The following RBM47 variants were observed in gnomAD, a reference collection of about 807,000 sequenced individuals.
The protein encoded by RBM47 is RNA binding motif protein 47, also known as RNA-binding protein 47.
RBM47 carries 21 observed loss-of-function variants against 47.1 expected under a neutral mutation model. The observed-to-expected ratio is 0.45, with a 90% CI of 0.32 to 0.64. The LOEUF (loss-of-function observed/expected upper bound fraction) is 0.64, where lower values mean the gene tolerates loss of function less well. RBM47 is among the 30% of genes least tolerant of loss of function. The pLI, the probability that RBM47 is intolerant of heterozygous loss-of-function variation, is 0.05. For synonymous variants in RBM47, 375 were observed against 361.7 expected, an observed-to-expected ratio of 1.04 and a Z score of -0.42; for missense variants, 708 against 870.9, an observed-to-expected ratio of 0.81 and a Z score of 2.35.
chr4:40,444,999 G>A (rs1008839590), intron 3 of RBM47, among the ~76,000 whole-genome samples: 3 of 151,818 alleles, frequency 2.0e-5, no homozygotes, highest in African/African-American at 4.8e-5. Context: ...GTTTGGCCGG[G>A]CGCGGTGGCT....
chr4:40,526,425 G>C (rs2154258026), intron 2 of RBM47, among the ~76,000 whole-genome samples: 1 of 151,968 alleles, frequency 6.6e-6, no homozygotes, highest in African/African-American at 2.4e-5. Flanking sequence ...CTTAAAAAAT[G>C]GTTGGGTCTG....
chr4:40,466,282 A>G (rs186723767), intron 3 of RBM47, among the ~76,000 whole-genome samples: 2,224 of 144,860 alleles, frequency 0.015, 53 homozygotes, highest in African/African-American at 0.05. Flanking sequence ...AAAAAAAAAA[A>G]AAAGAAAGAA....
intron 1 of RBM47, among the ~76,000 whole-genome samples, chr4:40,557,933 T>C (rs554774290): frequency 1.3e-5 from 2 of 152,346 alleles, no homozygotes; most frequent in African/African-American, 4.8e-5. Flanking sequence ...TCTTTATAGT[T>C]GTGGATTGTT....
intron 2 of RBM47, among the ~76,000 whole-genome samples, chr4:40,469,528 G>A (rs1046020883): frequency 6.6e-6 from 1 of 151,620 alleles, no homozygotes; most frequent in African/African-American, 2.4e-5. Flanking sequence ...CTGCCTCCTG[G>A]GTTCAAGCGA....
At chr4:40,563,602 G>A (rs1730834726) in intron 1 of RBM47, among the ~76,000 whole-genome samples, 1 of 152,204 alleles carries the variant, frequency 6.6e-6, no homozygotes, top group African/African-American at 2.4e-5. Context: ...CCAAAGGAAG[G>A]CCTTTCCCAC....
At chr4:40,488,542 C>T (rs928151007) in intron 2 of RBM47, among the ~76,000 whole-genome samples, 6 of 152,038 alleles carry the variant, frequency 3.9e-5, no homozygotes, top group African/African-American at 7.2e-5. Flanking sequence ...TAAGCAAGGC[C>T]GGCAATTGGT....
chr4:40,625,339 C>T (rs1159152910), intron 1 of RBM47, among the ~76,000 whole-genome samples: 1 of 152,110 alleles, frequency 6.6e-6, no homozygotes, highest in Admixed American at 6.5e-5. Flanking sequence ...TTTTGTTTTT[C>T]TTGGGGCACG....
chr4:40,585,854 G>C (rs182657164), intron 1 of RBM47, among the ~76,000 whole-genome samples: 34 of 152,304 alleles, frequency 2.2e-4, no homozygotes, highest in Admixed American at 5.9e-4. Flanking sequence ...AAGCACTCTA[G>C]ACCTATGTGT....
At position 40,628,200 on chromosome 4, in the gene RBM47, G is replaced by T. The variant is rs1737914073; in HGVS notation, c.-240+1196C>A. Among the ~76,000 whole-genome samples the T allele has an allele frequency of 6.6e-6, 1 of 152,140 alleles. No individual in the cohort carries two copies. The highest frequency in any genetic ancestry group is 6.5e-5 in the Admixed American group (1 of 15,270). On this transcript the variant is annotated intron_variant, in intron 1 of 6. Transcript: ENST00000295971. This position sits in a 1 kb window ranked among gnomAD's most constrained non-coding sequence, Gnocchi z 4.0. The stretch of plus-strand genomic sequence containing the variant: ...TGTGTATATCAGAACAAGGTGAAGG[G>T]TAAAGCAGACCAGAAAAAAATATTA...
At chr4:40,607,484 A>T (rs1578060719) in intron 1 of RBM47, among the ~76,000 whole-genome samples, 1 of 152,198 alleles carries the variant, frequency 6.6e-6, no homozygotes, top group African/African-American at 2.4e-5. Context: ...TGGCAGGAGG[A>T]TCACTTGAGC....
At chr4:40,494,960 A>G (rs1485498641) in intron 2 of RBM47, among the ~76,000 whole-genome samples, 1 of 152,038 alleles carries the variant, frequency 6.6e-6, no homozygotes, top group Admixed American at 6.6e-5. Flanking sequence ...TTGATTCCTT[A>G]AGCTATTTTT....
At chr4:40,516,332 C>T (rs1725578393) in intron 2 of RBM47, among the ~76,000 whole-genome samples, 1 of 149,478 alleles carries the variant, frequency 6.7e-6, no homozygotes, top group Non-Finnish European at 1.5e-5. Flanking sequence ...ACAATCTCGG[C>T]TCACTGCAAC....
intron 2 of RBM47, among the ~76,000 whole-genome samples, chr4:40,505,914 ACAAAAAAC>A (rs1189160703): frequency 6.6e-6 from 1 of 151,812 alleles, no homozygotes; most frequent in Non-Finnish European, 1.5e-5. Flanking sequence ...ACAAAACAAA[ACAAAAAAC>A]AAAAAAACTT....
intron 1 of RBM47, among the ~76,000 whole-genome samples, chr4:40,600,179 A>ATT (rs1560497931): frequency 7.8e-6 from 1 of 128,814 alleles, no homozygotes; most frequent in Admixed American, 7.8e-5. Flanking sequence ...TTTTTTTATG[A>ATT]ATTTTTTTTT....
At chr4:40,566,229 A>G (rs1274780882) in intron 1 of RBM47, among the ~76,000 whole-genome samples, 2 of 152,198 alleles carry the variant, frequency 1.3e-5, no homozygotes, top group Non-Finnish European at 2.9e-5. Flanking sequence ...AGTGGTAGGG[A>G]TCACCGCCCA....
intron 2 of RBM47, among the ~76,000 whole-genome samples, chr4:40,538,547 G>A (rs192521959): frequency 2.0e-5 from 3 of 152,152 alleles, no homozygotes; most frequent in East Asian, 3.9e-4. Context: ...GGATGGTCTC[G>A]ATCTTTTGAC....
chr4:40,615,522 T>TGTA (rs1043529632), intron 1 of RBM47, among the ~76,000 whole-genome samples: 1 of 152,162 alleles, frequency 6.6e-6, no homozygotes, highest in African/African-American at 2.4e-5. Flanking sequence ...GGCTCACACC[T>TGTA]GTAATTCCAG....
chr4:40,558,548 C>T (rs1730314280), intron 1 of RBM47, among the ~76,000 whole-genome samples: 1 of 139,838 alleles, frequency 7.2e-6, no homozygotes, highest in Non-Finnish European at 1.6e-5. Flanking sequence ...AAAAAATGGG[C>T]CAGACATGGT....
chr4:40,438,516 G>A lies in RBM47; in HGVS notation c.378C>T (p.Arg126=), dbSNP rs959528249. The change falls in exon 4 of 7, where the codon CGC becomes CGT. Residue 126 remains arginine, a synonymous_variant. Transcript: ENST00000295971. ...VMYCHKHEAK[R]AVRELNNYEI... ...CGTAGTTGTTGAGCTCACGCACTGC[G>A]CGCTTGGCCTCGTGCTTGTGGCAGT... 8.1e-6 allele frequency: 13 copies of A among 1,613,580 alleles called. No individual in the cohort carries two copies. The highest frequency in any genetic ancestry group is 4.5e-5 in the East Asian group (2 of 44,880).
Sources: gnomAD v4.1 joint callset for allele counts (sites outside exome capture counted in the v4.1 genomes callset) on GRCh38, gnomAD v4.1.1 for gene constraint, Gnocchi (gnomAD v3.1) non-coding constraint, MANE v1.5 for transcripts, NCBI Gene and HGNC (gene_info 2026-07-23, HGNC 2026-07-21) for gene names.